The following CNNM2 variants were observed in gnomAD, a reference collection of about 807,000 sequenced individuals.
CNNM2 encodes the protein cyclin and CBS domain divalent metal cation transport mediator 2.
Under a neutral mutation model 66.9 loss-of-function variants are expected in CNNM2, and 12 were observed. The observed-to-expected ratio is 0.18, with a 90% CI of 0.11 to 0.29. The LOEUF (loss-of-function observed/expected upper bound fraction) is 0.29. Among genes scored for constraint, CNNM2 ranks in the 10% least tolerant of loss-of-function variants. The pLI, the probability that CNNM2 is intolerant of heterozygous loss-of-function variation, is 1.00. For missense variants in CNNM2, 705 were observed against 1,167.7 expected (o/e 0.60, Z 5.77); for synonymous variants, 557 against 501.8 (o/e 1.11, Z -1.47).
intron 1 of CNNM2, among the ~76,000 whole-genome samples, chr10:103,017,932 C>T (rs2064486160): frequency 7.1e-6 from 1 of 141,246 alleles, no homozygotes; most frequent in African/African-American, 2.7e-5. Context: ...CCATTGCTCT[C>T]CAGCCTGGGG....
chr10:103,027,719 G>A (rs2064734431), intron 1 of CNNM2, among the ~76,000 whole-genome samples: 1 of 152,102 alleles, frequency 6.6e-6, no homozygotes, highest in Non-Finnish European at 1.5e-5. Context: ...ATATTAAAAG[G>A]TATTATGCAT....
chr10:102,982,017 T>G (rs2063728457), intron 1 of CNNM2, among the ~76,000 whole-genome samples: 1 of 152,134 alleles, frequency 6.6e-6, no homozygotes, highest in Admixed American at 6.6e-5. Flanking sequence ...TTTTCTTACA[T>G]TTGAAGTATA....
At position 103,066,256 on chromosome 10, in the gene CNNM2, C is replaced by G. The variant is rs117016818; in HGVS notation, c.2074-2373C>G. Among the ~76,000 whole-genome samples, 126 of 152,218 alleles carry G rather than the reference C, an allele frequency of 8.3e-4. 2 individuals are homozygous for G. In the East Asian group the frequency reaches 0.024, roughly 29 times the overall value. ...TCTCAGTCACGGGCTGAGCTTCGGT[C>G]CTTTTCCTGTCTCAGGTCCCCATCT... On this transcript the variant is annotated intron_variant, in intron 4 of 7. Transcript: ENST00000369878.
intron 4 of CNNM2, among the ~76,000 whole-genome samples, chr10:103,057,837 A>G (rs1021729212): frequency 2.0e-5 from 3 of 152,220 alleles, no homozygotes; most frequent in African/African-American, 7.2e-5. Flanking sequence ...TCACTGTAAC[A>G]TAATTCAGTA....
At chr10:102,969,528 T>G (rs1027277450) in intron 1 of CNNM2, among the ~76,000 whole-genome samples, 1 of 151,808 alleles carries the variant, frequency 6.6e-6, no homozygotes, top group African/African-American at 2.4e-5. Flanking sequence ...GCTATCTTAG[T>G]TGTAGTTTTG....
intron 1 of CNNM2, among the ~76,000 whole-genome samples, chr10:102,969,002 C>T (rs943114046): frequency 9.3e-5 from 14 of 151,278 alleles, no homozygotes; most frequent in Non-Finnish European, 1.8e-4. Flanking sequence ...CAGTCTCCAC[C>T]TCCTGGGCTC....
intron 1 of CNNM2, among the ~76,000 whole-genome samples, chr10:102,988,146 A>G (rs937870993): frequency 6.6e-6 from 1 of 151,984 alleles, no homozygotes; most frequent in Non-Finnish European, 1.5e-5. Context: ...TAAAAATACA[A>G]AAAAACTTAG....
chr10:103,013,760 T>C (rs763841398), intron 1 of CNNM2, among the ~76,000 whole-genome samples: 21 of 152,198 alleles, frequency 1.4e-4, no homozygotes, highest in Non-Finnish European at 2.5e-4. Flanking sequence ...GGTGCCTAGA[T>C]TGAATGAGTT....
At chr10:102,997,957 T>C (rs1029863620) in intron 1 of CNNM2, among the ~76,000 whole-genome samples, 1 of 152,148 alleles carries the variant, frequency 6.6e-6, no homozygotes. Context: ...TAAAAAGTCA[T>C]GTTTAACATG....
At chr10:103,066,264 T>C (rs965600211) in intron 4 of CNNM2, among the ~76,000 whole-genome samples, 5 of 152,270 alleles carry the variant, frequency 3.3e-5, no homozygotes, top group African/African-American at 1.2e-4. Context: ...GTCCTTTTCC[T>C]GTCTCAGGTC....
chr10:103,074,625 G>A (rs1032651541), intron 6 of CNNM2, among the ~76,000 whole-genome samples: 2 of 152,152 alleles, frequency 1.3e-5, no homozygotes, highest in South Asian at 2.1e-4. Context: ...TTGAGCTCAG[G>A]AGTTCAAGAC....
At chr10:102,980,528 C>T (rs2134229437) in intron 1 of CNNM2, among the ~76,000 whole-genome samples, 1 of 152,214 alleles carries the variant, frequency 6.6e-6, no homozygotes, top group Admixed American at 6.5e-5. Flanking sequence ...CCTTGGGCTC[C>T]AGAGTGGTGG....
intron 1 of CNNM2, among the ~76,000 whole-genome samples, chr10:102,955,156 C>A (rs1315671330): frequency 6.6e-6 from 1 of 152,178 alleles, no homozygotes; most frequent in East Asian, 1.9e-4. Flanking sequence ...ACCAAAACAG[C>A]ATGGTACTGG....
chr10:102,932,225 C>G (rs567295934), intron 1 of CNNM2, among the ~76,000 whole-genome samples: 14 of 149,922 alleles, frequency 9.3e-5, no homozygotes, highest in Admixed American at 6.6e-5. Context: ...TTTTTTAACT[C>G]ATTTTTTGAG....
intron 1 of CNNM2, among the ~76,000 whole-genome samples, chr10:102,990,362 G>T (rs908767383): frequency 2.6e-5 from 4 of 152,172 alleles, no homozygotes; most frequent in Non-Finnish European, 5.9e-5. Context: ...TAGGGATGGG[G>T]ATGCTACAGA....
rs1017771635 is a variant in CNNM2 at position 103,082,665 on chromosome 10, G to A, written c.*5485G>A. The A allele has an allele frequency of 6.6e-6, 1 of 152,246 alleles. No individual in the cohort carries two copies. Among genetic ancestry groups the A allele is most frequent in the Non-Finnish European group, 1.5e-5 (1 of 68,094 alleles). The allele number at this position is 152,246 out of a possible 1,614,324, so 9.4% of individuals were successfully genotyped here. On this transcript the variant is annotated 3_prime_UTR_variant, in exon 8 of 8. Transcript: ENST00000369878. ...CCTTTAAGGCGGGTGAGAGGGTAGT[G>A]TTGTTTTTTATAAACAGGTTGCTGC... is the stretch of plus-strand genomic sequence containing the variant.
At chr10:103,067,548 C>T (rs1475585551) in intron 4 of CNNM2, among the ~76,000 whole-genome samples, 1 of 152,066 alleles carries the variant, frequency 6.6e-6, no homozygotes, top group East Asian at 1.9e-4. Context: ...TTTTGTTCAC[C>T]CATTGTAAAG....
In CNNM2 at chr10:103,056,873, A is replaced by T. The variant is rs774171664; in HGVS notation, c.1982A>T (p.Glu661Val). The change falls in exon 4 of 8, where the codon GAA (glutamate) becomes GTA (valine). Residue 661 changes from glutamate (E) to valine (V), a missense_variant. Transcript: ENST00000369878. ...RLLKHPNVIQ[E>V]LKYDEKNKKA... ...CTAAAGCACCCCAATGTCATCCAGG[A>T]ACTGAAATATGATGAGAAGAACAAG... 5 of 1,614,004 alleles carry T rather than the reference A, an allele frequency of 3.1e-6. No individual in the cohort carries two copies. The highest frequency in any genetic ancestry group is 4.2e-6 in the Non-Finnish European group (5 of 1,179,886).
At chr10:102,950,072 T>C (rs1398274792) in intron 1 of CNNM2, among the ~76,000 whole-genome samples, 1 of 152,216 alleles carries the variant, frequency 6.6e-6, no homozygotes, top group African/African-American at 2.4e-5. Flanking sequence ...TGACAGCTCC[T>C]GTCGTGGAGA....
Sources: gnomAD v4.1 joint callset for allele counts (sites outside exome capture counted in the v4.1 genomes callset) on GRCh38, gnomAD v4.1.1 for gene constraint, MANE v1.5 for transcripts, NCBI Gene and HGNC (gene_info 2026-07-23, HGNC 2026-07-21) for gene names.